Variants in ARHGAP26 observed in about 807,000 individuals in gnomAD.
The protein encoded by ARHGAP26 is Rho GTPase activating protein 26, also known as rho GTPase-activating protein 26.
In ARHGAP26, 38 loss-of-function variants were observed where a neutral mutation model predicts 104.8. The ratio of observed to expected loss-of-function variants is 0.36; its 90% confidence interval spans 0.28 to 0.48. ARHGAP26 has a LOEUF of 0.48. Ranked by LOEUF, ARHGAP26 falls within the 20% of genes least tolerant of loss-of-function variation. ARHGAP26 has a pLI of 0.99. For missense variants in ARHGAP26, 704 were observed against 947.9 expected, an observed-to-expected ratio of 0.74 and a Z score of 3.38; for synonymous variants, 341 against 340.0, an observed-to-expected ratio of 1.00 and a Z score of -0.03.
At chr5:142,936,176 A>G (rs147601000) in intron 11 of ARHGAP26, among the ~76,000 whole-genome samples, 1 of 151,654 alleles carries the variant, frequency 6.6e-6, no homozygotes, top group Admixed American at 6.6e-5. Context: ...TGAGTTCAGC[A>G]AGGTCACAGG....
chr5:142,804,140 G>A lies in ARHGAP26; in HGVS notation c.154+33225G>A, dbSNP rs1762548404. 2.0e-5 allele frequency among the ~76,000 whole-genome samples: 3 copies of A among 152,240 alleles called. No homozygotes were observed. The South Asian group carries it at 6.2e-4, about 32-fold the overall frequency. ...CTGTCTCTACTCCTTATCAAATATT[G>A]CAAGTATAGGTTGAATCATATGAAA... On this transcript the variant is annotated intron_variant, in intron 1 of 22. Coordinates refer to ENST00000645722, the MANE Select transcript of ARHGAP26 (RefSeq NM_001135608.3).
chr5:143,035,893 G>A (rs1166767712), intron 12 of ARHGAP26, among the ~76,000 whole-genome samples: 1 of 136,932 alleles, frequency 7.3e-6, no homozygotes, highest in Non-Finnish European at 1.5e-5. Flanking sequence ...CCAAGATCAT[G>A]CCACTGCACT....
At chr5:143,013,542 TCC>T (rs1779171953) in intron 11 of ARHGAP26, among the ~76,000 whole-genome samples, 1 of 152,210 alleles carries the variant, frequency 6.6e-6, no homozygotes, top group Non-Finnish European at 1.5e-5. Flanking sequence ...AAGTAACAGT[TCC>T]CACTCCCCGG....
intron 17 of ARHGAP26, among the ~76,000 whole-genome samples, chr5:143,087,702 A>G (rs571391554): frequency 7.6e-5 from 9 of 118,890 alleles, no homozygotes; most frequent in African/African-American, 2.8e-4. Flanking sequence ...CTGGAGTGCA[A>G]TGGTGCGATC....
intron 19 of ARHGAP26, among the ~76,000 whole-genome samples, chr5:143,138,677 C>T (rs931024698): frequency 6.6e-6 from 1 of 152,150 alleles, no homozygotes; most frequent in East Asian, 1.9e-4. Flanking sequence ...CAAACTGAAC[C>T]TGGAAGACGT....
intron 22 of ARHGAP26, among the ~76,000 whole-genome samples, chr5:143,222,104 T>C (rs557736658): frequency 4.4e-4 from 67 of 152,318 alleles, no homozygotes; most frequent in Admixed American, 2.4e-3. Context: ...TCTGTGTCTG[T>C]TTCCTTTTTC....
At chr5:143,111,287 A>G (rs1794744419) in intron 17 of ARHGAP26, among the ~76,000 whole-genome samples, 1 of 152,208 alleles carries the variant, frequency 6.6e-6, no homozygotes, top group Non-Finnish European at 1.5e-5. Flanking sequence ...ATAACAGGAT[A>G]TGTATTGTAT....
At chr5:142,940,783 G>A (rs563852872) in intron 11 of ARHGAP26, among the ~76,000 whole-genome samples, 1 of 152,112 alleles carries the variant, frequency 6.6e-6, no homozygotes, top group South Asian at 2.1e-4. Flanking sequence ...TGTCTTTATG[G>A]TTAAAGAATT....
Position 142,901,198 on chromosome 5 carries a change from C to T in ARHGAP26, c.598-737C>T, listed in dbSNP as rs181451256. Among the ~76,000 whole-genome samples, 309 of 152,190 alleles carry T rather than the reference C, an allele frequency of 2.0e-3. No homozygotes were observed. In the South Asian group the frequency reaches 0.022, roughly 11 times the overall value. ...TTAATAGTTTTTAAGTATATGAAGC[C>T]GTGTGGTGAGCATTGTGGTGAACAG... is the stretch of plus-strand genomic sequence containing the variant. On this transcript the variant is annotated intron_variant, in intron 6 of 22. Coordinates refer to ENST00000645722, the MANE Select transcript of ARHGAP26 (RefSeq NM_001135608.3).
chr5:143,105,851 C>G (rs1793940419), intron 17 of ARHGAP26, among the ~76,000 whole-genome samples: 1 of 152,168 alleles, frequency 6.6e-6, no homozygotes, highest in Non-Finnish European at 1.5e-5. Flanking sequence ...TTTCTTGAAG[C>G]CACTCACTGT....
chr5:142,820,618 C>A (rs1765969105), intron 1 of ARHGAP26, among the ~76,000 whole-genome samples: 1 of 152,170 alleles, frequency 6.6e-6, no homozygotes, highest in African/African-American at 2.4e-5. Flanking sequence ...TGTATCTGTG[C>A]AGCAGTGGGA....
intron 11 of ARHGAP26, among the ~76,000 whole-genome samples, chr5:142,947,886 G>C (rs1219245954): frequency 1.3e-5 from 2 of 152,146 alleles, no homozygotes; most frequent in Admixed American, 1.3e-4. Context: ...TAGGTGCAGT[G>C]GTGTACGCCT....
chr5:142,941,829 A>G (rs1175177921), intron 11 of ARHGAP26, among the ~76,000 whole-genome samples: 1 of 152,158 alleles, frequency 6.6e-6, no homozygotes, highest in Non-Finnish European at 1.5e-5. Context: ...AAGAAATGGA[A>G]ATTTTGATAG....
chr5:143,041,935 G>T, intron 14 of ARHGAP26, 45 bp downstream of exon 14: 3 of 1,527,258 alleles, frequency 2.0e-6, no homozygotes, highest in Middle Eastern at 1.7e-4. Context: ...TGGATGGGGG[G>T]CCCACTCTGA....
chr5:143,166,192 C>T lies in ARHGAP26; in HGVS notation c.1988+18811C>T, dbSNP rs147175416. On this transcript the variant is annotated intron_variant, in intron 20 of 22. Coordinates refer to ENST00000645722, the MANE Select transcript of ARHGAP26 (RefSeq NM_001135608.3). ...AACTCATCTAGAACAACCCCATGTA[C>T]GTAGCTGGCAGTGAACACAAAAGCT... 1.1e-5 allele frequency: 10 copies of T among 900,804 alleles called. No homozygotes were observed. In the Admixed American group the frequency reaches 2.3e-4, roughly 21 times the overall value. The allele number at this position is 900,804 out of a possible 1,614,324, so 55.8% of individuals were successfully genotyped here.
At chr5:143,220,275 C>T (rs1810966851) in intron 22 of ARHGAP26, among the ~76,000 whole-genome samples, 2 of 152,018 alleles carry the variant, frequency 1.3e-5, no homozygotes, top group Admixed American at 6.5e-5. Flanking sequence ...TTTGATTTTT[C>T]CTGAAGCTTA....
chr5:143,126,304 G>A (rs1333947964), intron 18 of ARHGAP26, among the ~76,000 whole-genome samples: 2 of 152,178 alleles, frequency 1.3e-5, no homozygotes, highest in Non-Finnish European at 2.9e-5. Flanking sequence ...ACTGTGGGTT[G>A]TTAGCAAGTA....
intron 14 of ARHGAP26, among the ~76,000 whole-genome samples, chr5:143,050,407 G>A (rs1471535145): frequency 1.3e-5 from 2 of 151,714 alleles, no homozygotes; most frequent in African/African-American, 4.8e-5. Flanking sequence ...ACACAATGAA[G>A]GTATTATACA....
intron 20 of ARHGAP26, among the ~76,000 whole-genome samples, chr5:143,158,432 A>G (rs544668258): frequency 8.5e-5 from 13 of 152,348 alleles, no homozygotes; most frequent in African/African-American, 2.6e-4. Flanking sequence ...CCAACTGGAA[A>G]CTACGCTGAT....
Sources: allele counts gnomAD v4.1 joint callset (sites outside exome capture counted in the v4.1 genomes callset), GRCh38; gene constraint gnomAD v4.1.1; transcripts MANE v1.5; gene names NCBI Gene and HGNC (gene_info 2026-07-23, HGNC 2026-07-21).